PRKACA: variants seen among roughly 807,000 people sequenced by gnomAD.
The protein encoded by PRKACA is protein kinase cAMP-activated catalytic subunit alpha.
PRKACA carries 9 observed loss-of-function variants against 45.8 expected under a neutral mutation model. The ratio of observed to expected loss-of-function variants is 0.20; its 90% CI spans 0.12 to 0.34. PRKACA has a LOEUF of 0.34. Among genes scored for constraint, PRKACA ranks in the 10% least tolerant of loss-of-function variants. The pLI is 1.00. For synonymous variants in PRKACA, 160 were observed against 178.6 expected, an observed-to-expected ratio of 0.90 and a Z score of 0.83; for missense variants, 238 against 458.6, an observed-to-expected ratio of 0.52 and a Z score of 4.39.
intron 3 of PRKACA, among the ~76,000 whole-genome samples, chr19:14,104,196 G>A (rs1380455650): frequency 6.6e-6 from 1 of 151,464 alleles, no homozygotes; most frequent in Non-Finnish European, 1.5e-5. Flanking sequence ...AATTAGCCGG[G>A]TGTGGTGGCG....
intron 8 of PRKACA, among the ~76,000 whole-genome samples, 184 bp from the exon 9 acceptor site, chr19:14,093,976 G>A (rs1568527801): frequency 6.6e-6 from 1 of 152,108 alleles, no homozygotes; most frequent in Non-Finnish European, 1.5e-5. Context: ...GTCTGATACT[G>A]TGGCCTGAGA....
intron 5 of PRKACA, 69 bp downstream of exon 5, chr19:14,100,757 G>A: frequency 6.8e-7 from 1 of 1,478,066 alleles, no homozygotes; most frequent in East Asian, 2.3e-5. Flanking sequence ...CATTCCCAGG[G>A]GGCTTGGTCG....
In PRKACA at chr19:14,097,885, G is replaced by A; in HGVS notation, c.425C>T (p.Pro142Leu). ...CTGGGCCGCGTAGAAACGGGCATGG[G>A]GCTCACTGATGGGGACAAATGGGGA... ...HLRRIGRFSE[P>L]HARFYAAQIV... The change falls in exon 6 of 10, where the codon CCC (proline) becomes CTC (leucine). Residue 142 changes from proline to leucine, a missense_variant. Pro to Leu is a moderately conservative substitution (Grantham distance 98). Transcript: ENST00000308677. This position sits in a 1 kb window ranked among gnomAD's most constrained non-coding sequence, Gnocchi z 5.4. The A allele has an allele frequency of 6.2e-7, 1 of 1,614,172 alleles. No homozygotes were observed. Among genetic ancestry groups the A allele is most frequent in the Non-Finnish European group, 8.5e-7 (1 of 1,180,034 alleles).
At chr19:14,113,917 G>A (rs879853772) in intron 1 of PRKACA, among the ~76,000 whole-genome samples, 14 of 152,082 alleles carry the variant, frequency 9.2e-5, no homozygotes, top group African/African-American at 3.4e-4. Flanking sequence ...CCCCCTGCCG[G>A]GTGGACCATC....
chr19:14,095,893 C>G (rs1433436016), intron 8 of PRKACA, among the ~76,000 whole-genome samples: 1 of 151,930 alleles, frequency 6.6e-6, no homozygotes, highest in Non-Finnish European at 1.5e-5. Flanking sequence ...AAGACAGGGT[C>G]TGGCTCTGTG....
At chr19:14,113,085 T>C (rs528909412) in intron 1 of PRKACA, among the ~76,000 whole-genome samples, 1 of 152,210 alleles carries the variant, frequency 6.6e-6, no homozygotes, top group East Asian at 1.9e-4. Flanking sequence ...GTTTTGCTCC[T>C]ATGCGGGGGT....
intron 1 of PRKACA, among the ~76,000 whole-genome samples, chr19:14,110,496 CG>C (rs1448503167): frequency 6.6e-6 from 1 of 151,568 alleles, no homozygotes; most frequent in East Asian, 1.9e-4. Flanking sequence ...TGTTCAAGCC[CG>C]GGACATAGAG....
chr19:14,100,374 T>G (rs942708891), intron 5 of PRKACA, among the ~76,000 whole-genome samples: 5 of 152,052 alleles, frequency 3.3e-5, no homozygotes, highest in African/African-American at 1.2e-4. Flanking sequence ...CTTGGCTCAC[T>G]GCAACCTCTG....
chr19:14,097,685 A>G lies in PRKACA; in HGVS notation c.547-11T>C, dbSNP rs756996445. The G allele has an allele frequency of 6.2e-6, 10 of 1,610,912 alleles. No homozygotes were observed. The highest frequency in any genetic ancestry group is 7.6e-6 in the Non-Finnish European group (9 of 1,177,722). Reference sequence around the variant, plus strand: ...ACCGAAGTCTGTCACCTGTGGGCACAAGAACAGGCAGTTGGCAGGGAGGAA... The same window carrying G: ...ACCGAAGTCTGTCACCTGTGGGCACGAGAACAGGCAGTTGGCAGGGAGGAA... On this transcript the variant is annotated splice_polypyrimidine_tract_variant and intron_variant, in intron 6 of 9. Transcript: ENST00000308677. This position sits in a 1 kb window ranked among gnomAD's most constrained non-coding sequence, Gnocchi z 5.4.
rs1248822956 is a variant in PRKACA at position 14,092,871 on chromosome 19, G to C, written c.*241C>G. On this transcript the variant is annotated 3_prime_UTR_variant, in exon 10 of 10. Transcript: ENST00000308677. ...GAGGGGCTGGGGGGCTGTGGGGAAA[G>C]AGGAAGGGAAAAGTGGGAGAGGGGG... The C allele has an allele frequency of 1.9e-6, 1 of 514,978 alleles. No homozygotes were observed. The highest frequency in any genetic ancestry group is 3.4e-6 in the Non-Finnish European group (1 of 294,432). The allele number at this position is 514,978 out of a possible 1,614,324, so 31.9% of individuals were successfully genotyped here. A position where few individuals can be genotyped will look rare whatever the true frequency, so the allele number is the denominator to read the frequency against.
At position 14,093,807 on chromosome 19, in the gene PRKACA, A is replaced by G; in HGVS notation, c.766-15T>C. The G allele has an allele frequency of 6.2e-7, 1 of 1,607,858 alleles. No individual in the cohort carries two copies. Among genetic ancestry groups the G allele is most frequent in the Non-Finnish European group, 8.5e-7 (1 of 1,176,924 alleles). The stretch of plus-strand genomic sequence containing the variant: ...GGGAAGCGCACCTGGAGGAAGGGGT[A>G]CAAGGACAGGGTGGGAAGCTGGTCT... On this transcript the variant is annotated splice_polypyrimidine_tract_variant and intron_variant, in intron 8 of 9. Coordinates refer to ENST00000308677, the MANE Select transcript of PRKACA (RefSeq NM_002730.4).
chr19:14,108,345 G>A (rs887106662), intron 1 of PRKACA: 2 of 155,124 alleles, frequency 1.3e-5, no homozygotes, highest in East Asian at 3.8e-4. Context: ...GTGGCCCCGT[G>A]TGATGATAGT....
In PRKACA at chr19:14,092,328, A is replaced by C. The variant is rs181393862; in HGVS notation, c.*784T>G. 10 of 275,178 alleles carry C rather than the reference A, an allele frequency of 3.6e-5. No homozygotes were observed. The highest frequency in any genetic ancestry group is 1.0e-3 in the Middle Eastern group (1 of 996). The allele number at this position is 275,178 out of a possible 1,614,324, so 17.0% of individuals were successfully genotyped here. On this transcript the variant is annotated 3_prime_UTR_variant, in exon 10 of 10. Coordinates refer to ENST00000308677, the MANE Select transcript of PRKACA (RefSeq NM_002730.4). ...AAGGGTGAAGACAGGTCTGTTGGGG[A>C]AAAAGAGAGCGGAGGCTTCCTAAAG...
intron 1 of PRKACA, chr19:14,108,054 G>C (rs1977665833): frequency 1.0e-6 from 1 of 985,610 alleles, no homozygotes; most frequent in African/African-American, 1.7e-5. Context: ...TGTCTCATCT[G>C]ACTCACTCGG....
At chr19:14,106,527 G>A (rs1309784092) in intron 3 of PRKACA, among the ~76,000 whole-genome samples, 1 of 152,158 alleles carries the variant, frequency 6.6e-6, no homozygotes, top group Non-Finnish European at 1.5e-5. Context: ...GGTGGCAGGC[G>A]CCTGTAATCC....
chr19:14,097,716 C>T lies in PRKACA; in HGVS notation c.547-42G>A, dbSNP rs201594444. 37 of 1,613,434 alleles carry T rather than the reference C, an allele frequency of 2.3e-5. No homozygotes were observed. In the African/African-American group the frequency reaches 3.9e-4, roughly 17 times the overall value. Reference sequence around the variant, plus strand: ...AGGCAGTTGGCAGGGAGGAAGGGTCCAGGCCACGGCTTCCCCAGGGCTGCC... The same window carrying T: ...AGGCAGTTGGCAGGGAGGAAGGGTCTAGGCCACGGCTTCCCCAGGGCTGCC... On this transcript the variant is annotated intron_variant, in intron 6 of 9. Coordinates refer to ENST00000308677, the MANE Select transcript of PRKACA (RefSeq NM_002730.4). This position sits in a 1 kb window ranked among gnomAD's most constrained non-coding sequence, Gnocchi z 5.4.
At position 14,097,163 on chromosome 19, in the gene PRKACA, C is replaced by T. The variant is rs1347626807; in HGVS notation, c.765+198G>A. ...TTGGAAGCCCATGGGATTCTGGAAC[C>T]GCGGGGTTGGGGCTGGACAGCAAGG... is the stretch of plus-strand genomic sequence containing the variant. On this transcript the variant is annotated intron_variant, in intron 8 of 9. Transcript: ENST00000308677. This position sits in a 1 kb window ranked among gnomAD's most constrained non-coding sequence, Gnocchi z 5.4. 6 of 752,610 alleles carry T rather than the reference C, an allele frequency of 8.0e-6. No individual in the cohort carries two copies. The highest frequency in any genetic ancestry group is 2.9e-5 in the East Asian group (1 of 34,414). 46.6% of individuals were successfully genotyped at this position (752,610 alleles called of 1,614,324 possible).
chr19:14,102,133 C>T (rs79712540), intron 4 of PRKACA, among the ~76,000 whole-genome samples: 1,682 of 152,264 alleles, frequency 0.011, 29 homozygotes, highest in African/African-American at 0.032. Context: ...CACTGCTCTC[C>T]AGCCTGAGCA....
intron 5 of PRKACA, 60 bp downstream of exon 5, chr19:14,100,766 C>T (rs776676933): frequency 1.1e-5 from 17 of 1,532,438 alleles, no homozygotes; most frequent in Admixed American, 5.0e-5. Flanking sequence ...GGGGCTTGGT[C>T]GTGCACTGCC....
Sources: allele counts gnomAD v4.1 joint callset (sites outside exome capture counted in the v4.1 genomes callset), GRCh38; gene constraint gnomAD v4.1.1; non-coding constraint Gnocchi (gnomAD v3.1); transcripts MANE v1.5; gene names NCBI Gene and HGNC (gene_info 2026-07-23, HGNC 2026-07-21).